FAM107B: variants seen among roughly 807,000 people sequenced by gnomAD.
FAM107B encodes protein FAM107B.
Under a neutral mutation model 31.5 loss-of-function variants are expected in FAM107B, and 21 were observed. That is an observed-to-expected ratio of 0.67 (90% confidence interval 0.47 to 0.96). FAM107B has a LOEUF of 0.96. Among genes scored for constraint, FAM107B ranks in the 40% least tolerant of loss-of-function variants. FAM107B has a pLI of 0.00. For synonymous variants in FAM107B, 157 were observed against 141.5 expected, an observed-to-expected ratio of 1.11 and a Z score of -0.78; for missense variants, 452 against 377.1, an observed-to-expected ratio of 1.20 and a Z score of -1.64.
chr10:14,561,248 G>A (rs1190093934), intron 2 of FAM107B, among the ~76,000 whole-genome samples: 1 of 152,228 alleles, frequency 6.6e-6, no homozygotes, highest in Non-Finnish European at 1.5e-5. Context: ...CTGCCCTCTT[G>A]GGAGCCTGCA....
At chr10:14,558,967 C>T (rs1849960734) in intron 2 of FAM107B, among the ~76,000 whole-genome samples, 1 of 152,096 alleles carries the variant, frequency 6.6e-6, no homozygotes, top group African/African-American at 2.4e-5. Context: ...ATTATACATC[C>T]TTCAAAGCCA....
chr10:14,639,558 A>G (rs1028982543), intron 2 of FAM107B, among the ~76,000 whole-genome samples: 6 of 152,176 alleles, frequency 3.9e-5, no homozygotes, highest in African/African-American at 1.4e-4. Flanking sequence ...ATTCCTCTCA[A>G]GACTACCCCC....
Position 14,521,123 on chromosome 10 carries a change from T to G in FAM107B, c.*67A>C. On this transcript the variant is annotated 3_prime_UTR_variant, in exon 5 of 5. Transcript: ENST00000181796. ...AAATATTCTCCAGGGGCTTTTGCCC[T>G]GAGATTGAGAAGGCACCCACAGACA... The G allele has an allele frequency of 7.2e-6, 9 of 1,250,754 alleles. No homozygotes were observed. The highest frequency in any genetic ancestry group is 1.5e-5 in the African/African-American group (1 of 65,758). The allele number at this position is 1,250,754 out of a possible 1,614,324, so 77.5% of individuals were successfully genotyped here.
intron 2 of FAM107B, among the ~76,000 whole-genome samples, chr10:14,625,990 C>G (rs1395536653): frequency 1.3e-5 from 2 of 151,906 alleles, no homozygotes; most frequent in Admixed American, 1.3e-4. Flanking sequence ...TACATCAAAG[C>G]AAAGCACATC....
chr10:14,544,072 C>T (rs1051006830), intron 2 of FAM107B, among the ~76,000 whole-genome samples: 1 of 152,134 alleles, frequency 6.6e-6, no homozygotes, highest in African/African-American at 2.4e-5. Flanking sequence ...TCCAGGCACC[C>T]CGAGGAGAGA....
At chr10:14,580,028 A>G (rs1393509166) in intron 2 of FAM107B, among the ~76,000 whole-genome samples, 1 of 152,034 alleles carries the variant, frequency 6.6e-6, no homozygotes, top group Non-Finnish European at 1.5e-5. Context: ...TCAAAAAAAA[A>G]AAAAAAGTCA....
intron 2 of FAM107B, among the ~76,000 whole-genome samples, chr10:14,639,696 T>C (rs1171190805): frequency 6.6e-6 from 1 of 152,128 alleles, no homozygotes; most frequent in Non-Finnish European, 1.5e-5. Context: ...ACACCTCTAA[T>C]GGCTTCCACG....
At chr10:14,556,383 A>G (rs1388431889) in intron 2 of FAM107B, 12 of 985,384 alleles carry the variant, frequency 1.2e-5, no homozygotes, top group Non-Finnish European at 1.4e-5. Context: ...TGGACTGTTC[A>G]GGGCTTGACC....
At chr10:14,655,544 C>T (rs544530543) in intron 2 of FAM107B, among the ~76,000 whole-genome samples, 5 of 152,162 alleles carry the variant, frequency 3.3e-5, no homozygotes, top group African/African-American at 4.8e-5. Flanking sequence ...CTCAGCCTCC[C>T]GAGTAGCTGG....
At chr10:14,544,709 T>C (rs1848539823) in intron 2 of FAM107B, among the ~76,000 whole-genome samples, 1 of 152,126 alleles carries the variant, frequency 6.6e-6, no homozygotes, top group African/African-American at 2.4e-5. Context: ...GTACACAGAA[T>C]GATATTTATT....
At chr10:14,543,531 G>A (rs553490203) in intron 2 of FAM107B, among the ~76,000 whole-genome samples, 6 of 152,024 alleles carry the variant, frequency 3.9e-5, no homozygotes, top group African/African-American at 1.2e-4. Context: ...CAGGCCAAAC[G>A]AGAGACCACA....
intron 2 of FAM107B, among the ~76,000 whole-genome samples, chr10:14,597,725 G>T (rs991613246): frequency 6.6e-6 from 1 of 152,106 alleles, no homozygotes; most frequent in East Asian, 1.9e-4. Context: ...ATTGGCAGGC[G>T]GATCATTTGA....
intron 1 of FAM107B, among the ~76,000 whole-genome samples, chr10:14,720,456 G>A (rs1223197004): frequency 6.6e-6 from 1 of 152,162 alleles, no homozygotes; most frequent in Non-Finnish European, 1.5e-5. Context: ...GTTTTACCAT[G>A]TTGGCCAGGC....
chr10:14,604,649 G>A (rs1259004056), intron 2 of FAM107B, among the ~76,000 whole-genome samples: 1 of 151,992 alleles, frequency 6.6e-6, no homozygotes, highest in Admixed American at 6.5e-5. Context: ...GGCGGCCCCG[G>A]ATGACCGGGA....
At chr10:14,656,782 C>T (rs1003548491) in intron 2 of FAM107B, among the ~76,000 whole-genome samples, 1 of 151,710 alleles carries the variant, frequency 6.6e-6, no homozygotes, top group African/African-American at 2.4e-5. Flanking sequence ...ACGCAGCTTG[C>T]AGCACACACA....
intron 1 of FAM107B, among the ~76,000 whole-genome samples, chr10:14,761,799 A>G (rs569422142): frequency 4.7e-4 from 72 of 151,934 alleles, no homozygotes; most frequent in Admixed American, 5.2e-4. Context: ...GGGTTTCACC[A>G]TGTTGGCCAG....
At chr10:14,611,430 C>T (rs979900220) in intron 2 of FAM107B, among the ~76,000 whole-genome samples, 12 of 147,066 alleles carry the variant, frequency 8.2e-5, no homozygotes, top group Admixed American at 1.4e-4. Context: ...TTTCCATTAG[C>T]GGGAAGTATC....
chr10:14,657,700 C>T (rs17155690), intron 2 of FAM107B, among the ~76,000 whole-genome samples: 5,401 of 152,164 alleles, frequency 0.035, 121 homozygotes, highest in East Asian at 0.068. Context: ...TATTACAGCC[C>T]GTGGCCTCTT....
intron 2 of FAM107B, among the ~76,000 whole-genome samples, chr10:14,619,228 G>A (rs1263368522): frequency 6.6e-6 from 1 of 152,146 alleles, no homozygotes; most frequent in Non-Finnish European, 1.5e-5. Flanking sequence ...GCAACCCTAG[G>A]AAAATAAGGC....
Sources: allele counts gnomAD v4.1 joint callset (sites outside exome capture counted in the v4.1 genomes callset), GRCh38; gene constraint gnomAD v4.1.1; transcripts MANE v1.5; gene names NCBI Gene and HGNC (gene_info 2026-07-23, HGNC 2026-07-21).